REV1: variants seen among roughly 807,000 people sequenced by gnomAD.
The protein encoded by REV1 is translesion synthesis protein REV1.
Under a neutral mutation model 137.4 loss-of-function variants are expected in REV1, and 42 were observed. That is an observed-to-expected ratio of 0.31 (90% CI 0.24 to 0.40). The LOEUF (loss-of-function observed/expected upper bound fraction) is 0.40, where lower values mean the gene tolerates loss of function less well. Ranked by LOEUF, REV1 falls within the 10% of genes least tolerant of loss-of-function variation. The probability of loss-of-function intolerance (pLI) is 1.00; values close to 1 mark genes in which losing one functional copy is unlikely to be tolerated. For synonymous variants in REV1, 524 were observed against 519.2 expected (o/e 1.01, Z -0.12); for missense variants, 1,282 against 1,490.1 (o/e 0.86, Z 2.30).
intron 9 of REV1, among the ~76,000 whole-genome samples, chr2:99,429,455 C>T (rs925712490): frequency 1.3e-5 from 2 of 152,020 alleles, no homozygotes; most frequent in Non-Finnish European, 2.9e-5. Context: ...AACTGAGTAT[C>T]AGGAAGTATG....
chr2:99,464,144 T>C (rs573470141), intron 2 of REV1, among the ~76,000 whole-genome samples: 153 of 152,350 alleles, frequency 1.0e-3, no homozygotes, highest in Non-Finnish European at 1.6e-3. Context: ...ACAATAAATA[T>C]TAAAAAATAA....
rs1190418142 is a variant in REV1, at chr2:99,489,944, C to A, written c.-138G>T. 6.7e-6 allele frequency: 1 copy of A among 150,092 alleles called. No homozygotes were observed. Among genetic ancestry groups the A allele is most frequent in the African/African-American group, 2.4e-5 (1 of 41,234 alleles). The allele number at this position is 150,092 out of a possible 1,614,324, so 9.3% of individuals were successfully genotyped here. On this transcript the variant is annotated 5_prime_UTR_variant, in exon 1 of 23. Transcript: ENST00000258428. ...GGAGGGCCGGGGGAAGGCAGCCCCA[C>A]CGCTGAGCAGCGCCGCGGTCCACGC...
intron 1 of REV1, among the ~76,000 whole-genome samples, chr2:99,479,286 T>C (rs13427780): frequency 0.62 from 89,810 of 145,452 alleles, 28,249 homozygotes; most frequent in African/African-American, 0.74. Context: ...GAGATTAGGC[T>C]ACTGCACTCC....
At chr2:99,463,516 A>G (rs185866075) in intron 2 of REV1, among the ~76,000 whole-genome samples, 128 of 152,374 alleles carry the variant, frequency 8.4e-4, no homozygotes, top group Middle Eastern at 3.4e-3. Flanking sequence ...GCAAAACTGC[A>G]TATCAAAACA....
intron 4 of REV1, 115 bp downstream of exon 4, chr2:99,449,221 T>C (rs980428335): frequency 4.3e-5 from 20 of 468,692 alleles, no homozygotes; most frequent in Non-Finnish European, 9.6e-6. Context: ...GCCATGATCA[T>C]GCCACTGCAC....
intron 3 of REV1, among the ~76,000 whole-genome samples, chr2:99,454,339 C>T (rs552052919): frequency 2.9e-4 from 44 of 152,100 alleles, no homozygotes; most frequent in Admixed American, 2.3e-3. Context: ...CCTCTGAGGT[C>T]AGGAGTTCAA....
rs1682635859 is a variant in REV1, at chr2:99,449,280, T to G, written c.350+56A>C. On this transcript the variant is annotated intron_variant, in intron 4 of 22. Coordinates refer to ENST00000258428, the MANE Select transcript of REV1 (RefSeq NM_016316.4). Reference sequence around the variant, plus strand: ...ACCCTATCTCAAAAAAATAAATAAATAAAAAGTATTCTAACTTTAAAAATT... The same window carrying G: ...ACCCTATCTCAAAAAAATAAATAAAGAAAAAGTATTCTAACTTTAAAAATT... 11 of 1,102,314 alleles carry G rather than the reference T, an allele frequency of 1.0e-5. No individual in the cohort carries two copies. In the East Asian group the frequency reaches 3.6e-4, roughly 36 times the overall value. The allele number at this position is 1,102,314 out of a possible 1,614,324, so 68.3% of individuals were successfully genotyped here.
chr2:99,404,931 C>T (rs1676069587), intron 17 of REV1, among the ~76,000 whole-genome samples: 1 of 152,096 alleles, frequency 6.6e-6, no homozygotes, highest in Admixed American at 6.5e-5. Flanking sequence ...TATCACATGA[C>T]CAGGTAAGTC....
intron 1 of REV1, among the ~76,000 whole-genome samples, chr2:99,469,516 TAACAACTAGCCAGGTGAGGTAAGGTTA>T (rs1211548222): frequency 4.8e-4 from 73 of 152,310 alleles, no homozygotes; most frequent in African/African-American, 1.7e-3. Flanking sequence ...TAACATGCAG[TAACAACTAGCCAGGTGAGGTAAGGTTA>T]AGGCAAATGG....
At chr2:99,474,172 A>C (rs559111434) in intron 1 of REV1, among the ~76,000 whole-genome samples, 25 of 152,302 alleles carry the variant, frequency 1.6e-4, no homozygotes, top group African/African-American at 4.6e-4. Flanking sequence ...TACTAGTAAT[A>C]CCTTTCACTT....
intron 14 of REV1, among the ~76,000 whole-genome samples, 182 bp downstream of exon 14, chr2:99,410,513 C>A (rs1676985776): frequency 6.6e-6 from 1 of 152,212 alleles, no homozygotes; most frequent in Admixed American, 6.5e-5. Context: ...GTGGGCCTCG[C>A]TGAAACCAAG....
Position 99,439,045 on chromosome 2 carries a change from A to G in REV1, c.769T>C (p.Phe257Leu), listed in dbSNP as rs1266826063. Residue 257 changes from phenylalanine to leucine, a missense_variant, in exon 6 of 23, where the codon TTT becomes CTT. Phe to Leu is a conservative substitution (Grantham distance 22). Around this residue, in one of 7 missense-constraint regions of REV1, gnomAD observed 432 missense variants for 438.0 expected, o/e 0.99. Transcript: ENST00000258428. ...NSVASRLSPA[F>L]SQEEDKAEKS... is the part of the protein sequence containing the mutation. The stretch of plus-strand genomic sequence containing the variant: ...TCAGCCTTATCCTCCTCCTGGGAAA[A>G]GGCTGGAGAAAGCCTGCTGGCAACA... 2 of 1,614,036 alleles carry G rather than the reference A, an allele frequency of 1.2e-6. No homozygotes were observed. The highest frequency in any genetic ancestry group is 1.7e-6 in the Non-Finnish European group (2 of 1,180,022).
At chr2:99,405,183 C>CGAA (rs762927409) in intron 17 of REV1, 46 of 160,888 alleles carry the variant, frequency 2.9e-4, no homozygotes, top group Non-Finnish European at 4.8e-4. Flanking sequence ...TGAATTTTCT[C>CGAA]TAACTTACAG....
chr2:99,404,233 T>C (rs1675930988), intron 18 of REV1, among the ~76,000 whole-genome samples: 1 of 152,168 alleles, frequency 6.6e-6, no homozygotes, highest in Non-Finnish European at 1.5e-5. Flanking sequence ...CCCCCGTCTC[T>C]TCCCTGCTGC....
chr2:99,421,356 C>T (rs900420028), intron 11 of REV1, 143 bp downstream of exon 11: 43 of 595,216 alleles, frequency 7.2e-5, no homozygotes, highest in Non-Finnish European at 5.7e-5. Flanking sequence ...GCACTTATCT[C>T]GTGTGTCACA....
intron 10 of REV1, 73 bp downstream of exon 10, chr2:99,424,079 A>C (rs1679028700): frequency 6.8e-7 from 1 of 1,471,698 alleles, no homozygotes; most frequent in Non-Finnish European, 9.2e-7. Context: ...TCCTAAAGAA[A>C]ACTTGAACTG....
intron 3 of REV1, among the ~76,000 whole-genome samples, chr2:99,454,650 C>T (rs544574423): frequency 3.3e-4 from 49 of 149,392 alleles, no homozygotes; most frequent in Admixed American, 1.5e-3. Flanking sequence ...GAGGCTGAGG[C>T]AGGAAGATCC....
chr2:99,454,907 G>A (rs1391531372), intron 3 of REV1, among the ~76,000 whole-genome samples: 3 of 152,130 alleles, frequency 2.0e-5, no homozygotes, highest in South Asian at 2.1e-4. Context: ...TTTAGCCCAC[G>A]TTTAGACCTA....
At chr2:99,467,307 G>A (rs1684919201) in intron 1 of REV1, among the ~76,000 whole-genome samples, 2 of 149,870 alleles carry the variant, frequency 1.3e-5, no homozygotes, top group African/African-American at 4.9e-5. Context: ...CAACTCCAAA[G>A]TAACAAAACT....
Sources: gnomAD v4.1 joint callset for allele counts (sites outside exome capture counted in the v4.1 genomes callset) on GRCh38, gnomAD v4.1.1 for gene constraint, gnomAD v4.1.1 regional missense constraint, MANE v1.5 for transcripts, NCBI Gene and HGNC (gene_info 2026-07-23, HGNC 2026-07-21) for gene names.